The following CDC73 variants were observed in gnomAD, a reference collection of about 807,000 sequenced individuals.
The protein encoded by CDC73 is parafibromin.
Under a neutral mutation model 83.7 loss-of-function variants are expected in CDC73, and 21 were observed. The observed-to-expected ratio is 0.25, with a 90% CI of 0.18 to 0.36. CDC73 has a LOEUF of 0.36. Among genes scored for constraint, CDC73 ranks in the 10% least tolerant of loss-of-function variants. CDC73 has a pLI of 1.00. For synonymous variants in CDC73, 224 were observed against 212.9 expected (o/e 1.05, Z -0.45); for missense variants, 342 against 653.3 (o/e 0.52, Z 5.19).
rs372007713 is a variant in CDC73, at chr1:193,144,172, A to AC, written c.729+2110dup. 3.2e-3 allele frequency among the ~76,000 whole-genome samples: 474 copies of AC among 147,588 alleles called. 5 individuals are homozygous for AC. Among genetic ancestry groups the AC allele is most frequent in the African/African-American group, 0.011 (452 of 40,412 alleles). On this transcript the variant is annotated intron_variant, in intron 7 of 16. Coordinates refer to ENST00000367435, the MANE Select transcript of CDC73 (RefSeq NM_024529.5). ...TAAATATGTTATTATTTTTGCAAGG[A>AC]CCCCAAATAAAGCAACTTGATTTTA...
Position 193,254,198 on chromosome 1 carries a change from T to C in CDC73, c.*3486T>C, listed in dbSNP as rs939609834. On this transcript the variant is annotated 3_prime_UTR_variant, in exon 17 of 17. Transcript: ENST00000367435. ...CACATACTTTTTAAAAAAAGATTCT[T>C]AATAAAGAAATTATTGGTTTGTCTG... 6.6e-6 allele frequency among the ~76,000 whole-genome samples: 1 copy of C among 151,952 alleles called. No individual in the cohort carries two copies. The highest frequency in any genetic ancestry group is 1.5e-5 in the Non-Finnish European group (1 of 67,904).
At chr1:193,232,400 G>A (rs946266662) in intron 13 of CDC73, among the ~76,000 whole-genome samples, 1 of 152,050 alleles carries the variant, frequency 6.6e-6, no homozygotes, top group Non-Finnish European at 1.5e-5. Context: ...AAGTATTAGT[G>A]TGGAAAATGC....
intron 10 of CDC73, among the ~76,000 whole-genome samples, chr1:193,176,519 A>G (rs1676605369): frequency 2.6e-5 from 4 of 152,194 alleles, no homozygotes; most frequent in Admixed American, 6.5e-5. Flanking sequence ...GCAGCAAACA[A>G]TTTTATTACT....
intron 15 of CDC73, among the ~76,000 whole-genome samples, chr1:193,242,142 G>A (rs928069793): frequency 3.3e-5 from 5 of 152,168 alleles, no homozygotes; most frequent in African/African-American, 1.2e-4. Flanking sequence ...CCCCCACCCC[G>A]ACTTAGGGTG....
At chr1:193,155,546 G>A (rs1676193333) in intron 10 of CDC73, among the ~76,000 whole-genome samples, 1 of 152,302 alleles carries the variant, frequency 6.6e-6, no homozygotes, top group East Asian at 1.9e-4. Context: ...GAGAGGCCAA[G>A]GTGGGCAGAT....
chr1:193,228,454 A>G (rs762737685), intron 13 of CDC73, among the ~76,000 whole-genome samples: 15 of 152,238 alleles, frequency 9.9e-5, no homozygotes, highest in Non-Finnish European at 1.9e-4. Context: ...TCAAGTTGCA[A>G]TAATCCACAC....
chr1:193,219,341 C>T (rs1172779231), intron 13 of CDC73, among the ~76,000 whole-genome samples: 1 of 152,080 alleles, frequency 6.6e-6, no homozygotes, highest in Non-Finnish European at 1.5e-5. Flanking sequence ...GCAGATTTCT[C>T]AAAAAACTTA....
intron 10 of CDC73, among the ~76,000 whole-genome samples, chr1:193,165,579 TA>T (rs1676422440): frequency 6.6e-6 from 1 of 152,264 alleles, no homozygotes; most frequent in African/African-American, 2.4e-5. Context: ...ATATTTTTCA[TA>T]ATTGGTGGAT....
intron 10 of CDC73, among the ~76,000 whole-genome samples, chr1:193,193,227 G>C (rs1676947511): frequency 6.6e-6 from 1 of 152,136 alleles, no homozygotes; most frequent in South Asian, 2.1e-4. Context: ...GCTAACCTTT[G>C]GCAAATACAT....
intron 6 of CDC73, among the ~76,000 whole-genome samples, chr1:193,139,919 A>G (rs1190856020): frequency 6.6e-6 from 1 of 152,174 alleles, no homozygotes; most frequent in Non-Finnish European, 1.5e-5. Context: ...TATTCTGTCT[A>G]ATTCACTTGG....
rs561137086 is a variant in CDC73, at chr1:193,227,351, G to T, written c.1155-5642G>T. On this transcript the variant is annotated intron_variant, in intron 13 of 16. Coordinates refer to ENST00000367435, the MANE Select transcript of CDC73 (RefSeq NM_024529.5). ...TGCCTTCAAGAAAACTGTTGTCCAG[G>T]TCTGGCGTGGTGCCTCATGTCTGTA... Among the ~76,000 whole-genome samples the T allele has an allele frequency of 6.6e-5, 10 of 152,142 alleles. No homozygotes were observed. In the South Asian group the frequency reaches 1.7e-3, roughly 25 times the overall value.
chr1:193,188,950 T>C (rs2103166585), intron 10 of CDC73, among the ~76,000 whole-genome samples: 1 of 151,700 alleles, frequency 6.6e-6, no homozygotes, highest in African/African-American at 2.4e-5. Flanking sequence ...TCTTTCTGTC[T>C]GTCTGTTTTT....
intron 10 of CDC73, among the ~76,000 whole-genome samples, chr1:193,171,327 G>C (rs1676515511): frequency 6.6e-6 from 1 of 152,194 alleles, no homozygotes; most frequent in Admixed American, 6.5e-5. Context: ...CAAGGTTCAG[G>C]TATATCGTGG....
intron 11 of CDC73, among the ~76,000 whole-genome samples, chr1:193,204,661 T>C (rs1057325066): frequency 6.6e-6 from 1 of 152,188 alleles, no homozygotes; most frequent in African/African-American, 2.4e-5. Context: ...TATAAAACAC[T>C]GTTTTTCAAT....
At chr1:193,234,639 G>T (rs1394398889) in intron 14 of CDC73, among the ~76,000 whole-genome samples, 1 of 151,948 alleles carries the variant, frequency 6.6e-6, no homozygotes, top group Non-Finnish European at 1.5e-5. Context: ...GTCCTTCCAA[G>T]AATTCATGGG....
At chr1:193,141,653 T>G (rs1277118979) in intron 6 of CDC73, among the ~76,000 whole-genome samples, 197 bp from the exon 7 acceptor site, 1 of 152,194 alleles carries the variant, frequency 6.6e-6, no homozygotes. Context: ...AATTTGCTCT[T>G]AGAGTAATAT....
chr1:193,125,402 C>G (rs1265938483), intron 2 of CDC73, among the ~76,000 whole-genome samples, 185 bp downstream of exon 2: 2 of 151,918 alleles, frequency 1.3e-5, no homozygotes, highest in African/African-American at 4.8e-5. Context: ...GGACTGCAGG[C>G]CTGTGCCACC....
chr1:193,170,598 G>A (rs1236020420), intron 10 of CDC73, among the ~76,000 whole-genome samples: 1 of 152,120 alleles, frequency 6.6e-6, no homozygotes, highest in Non-Finnish European at 1.5e-5. Flanking sequence ...AAGTGATCAT[G>A]CCCTTTGCCT....
At chr1:193,132,406 G>A (rs936235749) in intron 3 of CDC73, among the ~76,000 whole-genome samples, 7 of 152,180 alleles carry the variant, frequency 4.6e-5, no homozygotes, top group African/African-American at 1.7e-4. Context: ...ATACACAAAA[G>A]TTTAGAACCC....
Sources: allele counts gnomAD v4.1 joint callset (sites outside exome capture counted in the v4.1 genomes callset), GRCh38; gene constraint gnomAD v4.1.1; transcripts MANE v1.5; gene names NCBI Gene and HGNC (gene_info 2026-07-23, HGNC 2026-07-21).